PCLO: variants seen among roughly 807,000 people sequenced by gnomAD.
PCLO encodes the protein protein piccolo.
PCLO carries 82 observed loss-of-function variants against 427.5 expected under a neutral mutation model. The ratio of observed to expected loss-of-function variants is 0.19; its 90% confidence interval spans 0.16 to 0.23. PCLO has a LOEUF of 0.23. Among genes scored for constraint, PCLO ranks in the 10% least tolerant of loss-of-function variants. PCLO has a pLI of 1.00. For missense variants in PCLO, 6,239 were observed against 6,115.9 expected (o/e 1.02, Z -0.67); for synonymous variants, 2,357 against 2,155.4 (o/e 1.09, Z -2.59).
chr7:83,129,551 C>T (rs114687387), intron 3 of PCLO, among the ~76,000 whole-genome samples: 2,184 of 152,138 alleles, frequency 0.014, 48 homozygotes, highest in African/African-American at 0.05. Context: ...ATCACATTTC[C>T]AAAGAGAATT....
At chr7:82,957,207 C>T (rs1225529765) in intron 4 of PCLO, among the ~76,000 whole-genome samples, 1 of 152,136 alleles carries the variant, frequency 6.6e-6, no homozygotes, top group Non-Finnish European at 1.5e-5. Flanking sequence ...ATTTCAATGT[C>T]ATTTTCCCTC....
intron 10 of PCLO, among the ~76,000 whole-genome samples, chr7:82,871,474 G>A (rs1381579670): frequency 6.6e-6 from 1 of 152,012 alleles, no homozygotes; most frequent in Admixed American, 6.6e-5. Context: ...AGGGGGGAAT[G>A]ATGAGGGATT....
intron 22 of PCLO, among the ~76,000 whole-genome samples, chr7:82,764,070 A>C (rs1048400973): frequency 2.0e-5 from 3 of 152,016 alleles, no homozygotes; most frequent in Non-Finnish European, 4.4e-5. Flanking sequence ...TGAGCAGTAC[A>C]TAGGTTGGTG....
At chr7:83,077,850 T>A (rs946177831) in intron 3 of PCLO, among the ~76,000 whole-genome samples, 2 of 151,962 alleles carry the variant, frequency 1.3e-5, no homozygotes, top group African/African-American at 4.8e-5. Context: ...CAGAAAGTCA[T>A]GAGATTCATC....
intron 23 of PCLO, 131 bp downstream of exon 23, chr7:82,761,228 A>G (rs1018526554): frequency 7.2e-6 from 4 of 557,332 alleles, no homozygotes; most frequent in Non-Finnish European, 1.2e-5. Flanking sequence ...AACTTGTTAC[A>G]TATGTTAATC....
chr7:82,850,577 G>T (rs781610124), intron 10 of PCLO, among the ~76,000 whole-genome samples: 44 of 151,906 alleles, frequency 2.9e-4, no homozygotes, highest in South Asian at 8.3e-4. Flanking sequence ...GTTATTTCTT[G>T]ATCTATATTT....
chr7:82,953,557 C>T lies in PCLO; in HGVS notation c.7396G>A (p.Ala2466Thr), dbSNP rs1275058288. Reference protein sequence around the residue: ...FDAVTTLETTAVLRSNGLPVT... With the variant: ...FDAVTTLETTTVLRSNGLPVT... ...GGTAATCCATTACTTCTCAGAACAG[C>T]TGTGGTCTCTAGAGTAGTAACAGCA... The change falls in exon 5 of 25, where the codon GCT becomes ACT. Residue 2466 changes from alanine (A) to threonine (T), a missense_variant. Physicochemically the swap from Ala to Thr is moderately conservative, Grantham distance 58. Coordinates refer to ENST00000333891, the MANE Select transcript of PCLO (RefSeq NM_033026.6). The T allele has an allele frequency of 1.2e-6, 2 of 1,613,056 alleles. No homozygotes were observed. The highest frequency in any genetic ancestry group is 1.1e-5 in the South Asian group (1 of 91,050).
intron 22 of PCLO, among the ~76,000 whole-genome samples, chr7:82,779,867 A>G (rs1790836094): frequency 6.6e-6 from 1 of 151,436 alleles, no homozygotes; most frequent in South Asian, 2.1e-4. Context: ...CTACATACCC[A>G]GGGATCACTT....
chr7:83,085,976 C>T (rs1790220620), intron 3 of PCLO, among the ~76,000 whole-genome samples: 1 of 151,944 alleles, frequency 6.6e-6, no homozygotes, highest in African/African-American at 2.4e-5. Context: ...AATACATTTG[C>T]CAAATGTGAC....
chr7:82,814,234 A>G (rs1218233370), intron 20 of PCLO, among the ~76,000 whole-genome samples: 1 of 151,650 alleles, frequency 6.6e-6, no homozygotes, highest in Non-Finnish European at 1.5e-5. Context: ...TAAATTGAAA[A>G]AATGTCATTT....
chr7:83,078,469 C>T (rs1790010881), intron 3 of PCLO, among the ~76,000 whole-genome samples: 1 of 151,566 alleles, frequency 6.6e-6, no homozygotes, highest in Non-Finnish European at 1.5e-5. Context: ...GTAAAATGAC[C>T]CTATGTGACC....
intron 6 of PCLO, among the ~76,000 whole-genome samples, chr7:82,939,720 A>AAT (rs1795036743): frequency 6.7e-6 from 1 of 148,196 alleles, no homozygotes; most frequent in Non-Finnish European, 1.5e-5. Context: ...TTATACATAA[A>AAT]ATATATATTT....
intron 16 of PCLO, among the ~76,000 whole-genome samples, chr7:82,832,924 T>C (rs1792132041): frequency 6.6e-6 from 1 of 152,034 alleles, no homozygotes; most frequent in Non-Finnish European, 1.5e-5. Flanking sequence ...GTAAGCTCTG[T>C]TTAATAGTGC....
chr7:83,058,587 C>T (rs1327122023), intron 3 of PCLO, among the ~76,000 whole-genome samples: 1 of 152,064 alleles, frequency 6.6e-6, no homozygotes, highest in Non-Finnish European at 1.5e-5. Flanking sequence ...TAATATTTAT[C>T]AAACACTTAA....
chr7:83,016,273 C>A (rs1419277982), intron 3 of PCLO, among the ~76,000 whole-genome samples: 6 of 151,850 alleles, frequency 4.0e-5, no homozygotes, highest in Admixed American at 3.9e-4. Context: ...GAAAAAAAAA[C>A]AACGTGTGCA....
At position 82,824,016 on chromosome 7, in the gene PCLO, G is replaced by C. The variant is rs537891461; in HGVS notation, c.14596+220C>G. On this transcript the variant is annotated intron_variant, in intron 19 of 24. Coordinates refer to ENST00000333891, the MANE Select transcript of PCLO (RefSeq NM_033026.6). ...TTTACATGTTGAAATTGGACAGTTAGAGAAGTGAAGATTACAAAGTACTAC... is the reference window on the plus strand; with the variant it reads ...TTTACATGTTGAAATTGGACAGTTACAGAAGTGAAGATTACAAAGTACTAC... Among the ~76,000 whole-genome samples the C allele has an allele frequency of 1.4e-4, 21 of 152,242 alleles. No individual in the cohort carries two copies. The South Asian group carries it at 4.1e-3, about 30-fold the overall frequency.
intron 3 of PCLO, among the ~76,000 whole-genome samples, chr7:83,095,147 G>C (rs1790500376): frequency 6.6e-6 from 1 of 152,098 alleles, no homozygotes; most frequent in African/African-American, 2.4e-5. Flanking sequence ...AATAGTTGCA[G>C]AACTATTCAA....
At chr7:82,791,518 T>G (rs1033111911) in intron 22 of PCLO, among the ~76,000 whole-genome samples, 4 of 152,176 alleles carry the variant, frequency 2.6e-5, no homozygotes, top group Non-Finnish European at 4.4e-5. Context: ...AGTAAAAGAT[T>G]TAAACAGAAT....
chr7:82,847,901 G>A (rs1436042135), intron 10 of PCLO, among the ~76,000 whole-genome samples: 1 of 152,090 alleles, frequency 6.6e-6, no homozygotes, highest in Non-Finnish European at 1.5e-5. Context: ...TTAATGCTCT[G>A]CTGTTGTCAT....
Sources: gnomAD v4.1 joint callset for allele counts (sites outside exome capture counted in the v4.1 genomes callset) on GRCh38, gnomAD v4.1.1 for gene constraint, MANE v1.5 for transcripts, NCBI Gene and HGNC (gene_info 2026-07-23, HGNC 2026-07-21) for gene names.